Variants in MCF2L observed in about 807,000 individuals in gnomAD.
MCF2L encodes guanine nucleotide exchange factor DBS.
Under a neutral mutation model 153.4 loss-of-function variants are expected in MCF2L, and 97 were observed. The observed-to-expected ratio is 0.63, with a 90% CI of 0.54 to 0.75. The LOEUF (loss-of-function observed/expected upper bound fraction) is 0.75. MCF2L is among the 30% of genes least tolerant of loss of function. The pLI is 0.00. For synonymous variants in MCF2L, 659 were observed against 632.2 expected, an observed-to-expected ratio of 1.04 and a Z score of -0.64; for missense variants, 1,347 against 1,495.2, an observed-to-expected ratio of 0.90 and a Z score of 1.64.
chr13:112,935,190 C>T (rs112338489), intron 2 of MCF2L, among the ~76,000 whole-genome samples: 65 of 152,298 alleles, frequency 4.3e-4, no homozygotes, highest in African/African-American at 1.4e-3. Context: ...AGAAACCATA[C>T]CTCACATACC....
chr13:113,083,939 T>C (rs2034393647), intron 17 of MCF2L, 59 bp from the exon 18 acceptor site: 3 of 1,244,674 alleles, frequency 2.4e-6, no homozygotes, highest in Admixed American at 1.7e-5. Context: ...CATCCACTTG[T>C]CACTGGTCCA....
chr13:112,988,402 C>A (rs1314977359), intron 1 of MCF2L, among the ~76,000 whole-genome samples: 1 of 152,224 alleles, frequency 6.6e-6, no homozygotes, highest in Non-Finnish European at 1.5e-5. Context: ...GCACGTGAAC[C>A]TTTCCCTGCG....
chr13:112,980,984 T>C (rs753991692), intron 1 of MCF2L, among the ~76,000 whole-genome samples: 3 of 152,114 alleles, frequency 2.0e-5, no homozygotes, highest in Non-Finnish European at 4.4e-5. Context: ...TCCTGTGCAC[T>C]GGGGACCCTG....
At chr13:112,989,061 G>A (rs76051788) in intron 1 of MCF2L, among the ~76,000 whole-genome samples, 3 of 114,796 alleles carry the variant, frequency 2.6e-5, no homozygotes, top group South Asian at 3.4e-4. Context: ...AGGACATGGA[G>A]CTACCACGCC....
chr13:113,089,732 G>T lies in MCF2L; in HGVS notation c.2953+4G>T. 6.2e-7 allele frequency: 1 copy of T among 1,611,982 alleles called. No individual in the cohort carries two copies. Among genetic ancestry groups the T allele is most frequent in the South Asian group, 1.1e-5 (1 of 91,000 alleles). On this transcript the variant is annotated splice_donor_region_variant and intron_variant, in intron 26 of 29. Transcript: ENST00000535094. ...AAGCCCCCCGAAAAGGGCAAAGGTG[G>T]GTATGTGCAGGGACCGGGCCTCACA...
rs1432456768 is a variant in MCF2L, at chr13:113,096,777, C to G, written c.3296C>G (p.Ser1099Trp). The G allele has an allele frequency of 7.0e-6, 11 of 1,567,558 alleles. No individual in the cohort carries two copies. Among genetic ancestry groups the G allele is most frequent in the Non-Finnish European group, 9.4e-6 (11 of 1,165,976 alleles). The change falls in exon 30 of 30, where the codon TCG becomes TGG. Residue 1099 changes from serine to tryptophan, a missense_variant. By Grantham distance (177) the Ser-to-Trp change is radical (BLOSUM62 -3). Transcript: ENST00000535094. Reference sequence around the variant, plus strand: ...TCCCCGCCTGATCTCCCCGCAGAGTCGAGCCCGGGGTCGGCCGTGCTGAGC... The same window carrying G: ...TCCCCGCCTGATCTCCCCGCAGAGTGGAGCCCGGGGTCGGCCGTGCTGAGC... ...GSAQCLSSSE[S>W]SPGSAVLSNS...
chr13:113,040,179 C>G (rs2141467541), intron 3 of MCF2L, among the ~76,000 whole-genome samples: 1 of 152,308 alleles, frequency 6.6e-6, no homozygotes, highest in South Asian at 2.1e-4. Flanking sequence ...GCAGGCAAAA[C>G]TAATGTATGG....
At chr13:112,942,124 G>A (rs529949925) in intron 2 of MCF2L, among the ~76,000 whole-genome samples, 1 of 152,340 alleles carries the variant, frequency 6.6e-6, no homozygotes, top group Admixed American at 6.5e-5. Context: ...TGGAGGGTCT[G>A]TCAGGCCCAC....
chr13:113,025,843 T>C (rs372747030), intron 3 of MCF2L, among the ~76,000 whole-genome samples: 425 of 98,110 alleles, frequency 4.3e-3, no homozygotes, highest in East Asian at 8.9e-3. Context: ...CTGTGAGGTT[T>C]CATCATGGTG....
rs948663878 is a variant in MCF2L at position 113,078,386 on chromosome 13, T to A, written c.1684T>A (p.Ser562Thr). ...AGGCATTCGGCGAGGCTCTGAGAAC[T>A]CCAGCTCCGAGGGCGGTGCGCTCCG... ...SPGIRRGSEN[S>T]SSEGGALRRG... The change falls in exon 14 of 30, where the codon TCC (serine) becomes ACC (threonine). Residue 562 changes from serine (S) to threonine (T), a missense_variant. Ser to Thr is a moderately conservative substitution (Grantham distance 58, BLOSUM62 1). This residue lies in a region of MCF2L where 820 missense variants were observed against 921.2 expected (regional missense o/e 0.89). Coordinates refer to ENST00000535094, the MANE Select transcript of MCF2L (RefSeq NM_001112732.3). 1 of 1,613,230 alleles carries A rather than the reference T, an allele frequency of 6.2e-7. No homozygotes were observed. Among genetic ancestry groups the A allele is most frequent in the African/African-American group, 1.3e-5 (1 of 74,940 alleles).
At chr13:113,078,556 C>G (rs755447205) in intron 14 of MCF2L, 110 bp from the exon 15 acceptor site, 2 of 1,382,312 alleles carry the variant, frequency 1.4e-6, no homozygotes, top group Non-Finnish European at 2.0e-6. Flanking sequence ...AGCTCCCCAT[C>G]GTGGGAATTC....
intron 2 of MCF2L, among the ~76,000 whole-genome samples, chr13:112,926,977 A>G (rs7990938): frequency 0.73 from 111,535 of 152,198 alleles, 41,018 homozygotes; most frequent in Admixed American, 0.79. Flanking sequence ...CTGTGCATAC[A>G]TACTTCAGAC....
intron 1 of MCF2L, among the ~76,000 whole-genome samples, chr13:112,895,900 C>T (rs1449155499): frequency 2.6e-5 from 4 of 152,182 alleles, no homozygotes; most frequent in Non-Finnish European, 5.9e-5. Flanking sequence ...TGTAGGGGCC[C>T]AGGTGTCCGT....
chr13:112,906,734 A>G (rs1375490882), intron 2 of MCF2L, among the ~76,000 whole-genome samples: 2 of 152,220 alleles, frequency 1.3e-5, no homozygotes, highest in African/African-American at 4.8e-5. Context: ...TGAGAGAGCA[A>G]GAGGGTTCGC....
intron 21 of MCF2L, among the ~76,000 whole-genome samples, 170 bp downstream of exon 21, chr13:113,086,419 G>T (rs1318079748): frequency 6.6e-6 from 1 of 151,946 alleles, no homozygotes; most frequent in Non-Finnish European, 1.5e-5. Flanking sequence ...CCACAGCCGG[G>T]TCCACAGACC....
At position 113,046,389 on chromosome 13, in the gene MCF2L, T is replaced by C; in HGVS notation, c.369+1028T>C. On this transcript the variant is annotated intron_variant, in intron 4 of 29. Coordinates refer to ENST00000535094, the MANE Select transcript of MCF2L (RefSeq NM_001112732.3). This position sits in a 1 kb window ranked among gnomAD's most constrained non-coding sequence, Gnocchi z 4.4. Reference sequence around the variant, plus strand: ...TCCTCAGCTGTGATGGCACAATTGCTCCAAGCATTCCCCAGCACCAAACCC... The same window carrying C: ...TCCTCAGCTGTGATGGCACAATTGCCCCAAGCATTCCCCAGCACCAAACCC... 4.9e-6 allele frequency: 2 copies of C among 407,800 alleles called. No individual in the cohort carries two copies. Among genetic ancestry groups the C allele is most frequent in the Non-Finnish European group, 9.6e-6 (2 of 207,608 alleles). 25.3% of individuals were successfully genotyped at this position (407,800 alleles called of 1,614,324 possible).
intron 4 of MCF2L, among the ~76,000 whole-genome samples, chr13:113,052,220 T>TA (rs1210455649): frequency 1.3e-5 from 2 of 152,282 alleles, no homozygotes; most frequent in East Asian, 3.9e-4. Context: ...AACATTTTTT[T>TA]AAAAAGATAA....
Position 112,897,447 on chromosome 13 carries a change from C to T in MCF2L, c.-5+3016C>T, listed in dbSNP as rs534950319. On this transcript the variant is annotated intron_variant, in intron 1 of 29. Transcript: ENST00000375608. Reference sequence around the variant, plus strand: ...GGATCTCCTCGGAGCCCTGAAAGGTCGTCCCCATGGGGTTCCACAGCAGGG... The same window carrying T: ...GGATCTCCTCGGAGCCCTGAAAGGTTGTCCCCATGGGGTTCCACAGCAGGG... 9.2e-5 allele frequency among the ~76,000 whole-genome samples: 14 copies of T among 152,292 alleles called. 1 individual carries two copies. Among genetic ancestry groups the T allele is most frequent in the African/African-American group, 3.1e-4 (13 of 41,572 alleles).
intron 26 of MCF2L, among the ~76,000 whole-genome samples, chr13:113,092,978 C>A (rs912129920): frequency 5.3e-5 from 8 of 152,100 alleles, no homozygotes; most frequent in Admixed American, 4.6e-4. Context: ...TGTGTAAGGT[C>A]CTGCCCACGC....
Sources: gnomAD v4.1 joint callset for allele counts (sites outside exome capture counted in the v4.1 genomes callset) on GRCh38, gnomAD v4.1.1 for gene constraint, gnomAD v4.1.1 regional missense constraint, Gnocchi (gnomAD v3.1) non-coding constraint, MANE v1.5 for transcripts, NCBI Gene and HGNC (gene_info 2026-07-23, HGNC 2026-07-21) for gene names.